The following INTS8 variants were observed in gnomAD, a reference collection of about 807,000 sequenced individuals.
INTS8 encodes the protein integrator complex subunit 8.
A neutral mutation model predicts 138.9 loss-of-function variants in INTS8; 47 were observed. That is an observed-to-expected ratio of 0.34 (90% CI 0.27 to 0.43). INTS8 has a LOEUF of 0.43. INTS8 is among the 20% of genes least tolerant of loss of function. The pLI is 1.00. For missense variants in INTS8, 996 were observed against 1,173.0 expected, an observed-to-expected ratio of 0.85 and a Z score of 2.20; for synonymous variants, 392 against 400.9, an observed-to-expected ratio of 0.98 and a Z score of 0.27.
chr8:94,880,842 G>A lies in INTS8; in HGVS notation c.*608G>A. On this transcript the variant is annotated 3_prime_UTR_variant, in exon 27 of 27. Transcript: ENST00000523731. ...ATAAATAGTTTGAAAGGGTACTTAA[G>A]TTTTTCACCCAAATTGTGATATACA... The A allele has an allele frequency of 2.5e-6, 1 of 398,618 alleles. No individual in the cohort carries two copies. The highest frequency in any genetic ancestry group is 4.4e-6 in the Non-Finnish European group (1 of 225,838). 24.7% of individuals were successfully genotyped at this position (398,618 alleles called of 1,614,324 possible).
At chr8:94,869,212 C>T (rs1167667364) in intron 20 of INTS8, among the ~76,000 whole-genome samples, 1 of 151,952 alleles carries the variant, frequency 6.6e-6, no homozygotes, top group Admixed American at 6.6e-5. Context: ...AACTCCTGAC[C>T]TCAGGTGATC....
intron 10 of INTS8, among the ~76,000 whole-genome samples, chr8:94,844,822 A>G (rs1222205129): frequency 6.9e-6 from 1 of 145,602 alleles, no homozygotes; most frequent in African/African-American, 2.6e-5. Context: ...CTGTGATCTC[A>G]GTTCACTGTA....
At chr8:94,872,062 T>A in intron 21 of INTS8, 60 bp downstream of exon 21, 1 of 776,552 alleles carries the variant, frequency 1.3e-6, no homozygotes, top group Non-Finnish European at 2.2e-6. Context: ...GAAGTGAAAG[T>A]AAATATATAA....
intron 23 of INTS8, among the ~76,000 whole-genome samples, chr8:94,875,223 AT>A: frequency 6.6e-6 from 1 of 152,318 alleles, no homozygotes; most frequent in East Asian, 1.9e-4. Flanking sequence ...AACAACCCTA[AT>A]GCCCATCAAA....
At chr8:94,844,844 C>T (rs1815274216) in intron 10 of INTS8, among the ~76,000 whole-genome samples, 1 of 151,698 alleles carries the variant, frequency 6.6e-6, no homozygotes, top group African/African-American at 2.4e-5. Context: ...CCTCCACCTC[C>T]TGGGTTCAAG....
intron 10 of INTS8, among the ~76,000 whole-genome samples, chr8:94,845,460 G>C (rs895385436): frequency 1.3e-5 from 2 of 151,978 alleles, no homozygotes; most frequent in South Asian, 4.2e-4. Flanking sequence ...GTTCTACCTT[G>C]TTTTCAAGGT....
At chr8:94,874,626 T>G in intron 23 of INTS8, 24 bp downstream of exon 23, 1 of 1,390,562 alleles carries the variant, frequency 7.2e-7, no homozygotes, top group Non-Finnish European at 1.0e-6. Context: ...ATTATGAAGT[T>G]GTTTTATTTT....
chr8:94,829,156 G>C, intron 5 of INTS8, 130 bp downstream of exon 5: 1 of 681,498 alleles, frequency 1.5e-6, no homozygotes. Flanking sequence ...GGTGTGGGGG[G>C]CGGGGGGCGA....
chr8:94,862,362 G>A (rs571578387), intron 16 of INTS8, among the ~76,000 whole-genome samples: 12 of 152,174 alleles, frequency 7.9e-5, no homozygotes, highest in Admixed American at 2.6e-4. Context: ...TGAGGGAACC[G>A]TTGTGTTCCA....
intron 6 of INTS8, among the ~76,000 whole-genome samples, chr8:94,834,145 A>G (rs1455415536): frequency 2.0e-5 from 3 of 152,170 alleles, no homozygotes; most frequent in South Asian, 2.1e-4. Context: ...TTCCCCCAAT[A>G]AAACCAGGCC....
chr8:94,861,077 C>T (rs913158965), intron 16 of INTS8, among the ~76,000 whole-genome samples: 1 of 144,094 alleles, frequency 6.9e-6, no homozygotes, highest in African/African-American at 2.6e-5. Context: ...AAAAAAAAAT[C>T]CTTTAAATCT....
intron 10 of INTS8, among the ~76,000 whole-genome samples, chr8:94,842,808 T>A (rs1815183467): frequency 6.6e-6 from 1 of 152,224 alleles, no homozygotes; most frequent in African/African-American, 2.4e-5. Context: ...CTTCCAAAGC[T>A]TCACTCATCT....
At chr8:94,852,904 G>C (rs1177677727) in intron 13 of INTS8, among the ~76,000 whole-genome samples, 3 of 152,112 alleles carry the variant, frequency 2.0e-5, no homozygotes, top group Non-Finnish European at 2.9e-5. Context: ...CACTGTGCCC[G>C]ACCTGTATTT....
intron 8 of INTS8, among the ~76,000 whole-genome samples, chr8:94,841,224 T>C (rs907359913): frequency 1.3e-5 from 2 of 152,186 alleles, no homozygotes; most frequent in South Asian, 2.1e-4. Context: ...AATTTTTTTC[T>C]AATAACATAG....
intron 12 of INTS8, among the ~76,000 whole-genome samples, chr8:94,850,365 C>G (rs1054680472): frequency 2.6e-5 from 4 of 152,314 alleles, no homozygotes; most frequent in African/African-American, 9.6e-5. Flanking sequence ...GTAATCCCAG[C>G]ACTTTGGGAG....
In INTS8 at chr8:94,881,556, TA is replaced by T; in HGVS notation, c.*1326del. On this transcript the variant is annotated 3_prime_UTR_variant, in exon 27 of 27. Coordinates refer to ENST00000523731, the MANE Select transcript of INTS8 (RefSeq NM_017864.4). ...CAATCAATCACAGCACTACTTTCTGTAAAACTTTAGTAGTTCAGTGATACCA... is the reference window on the plus strand; with the variant it reads ...CAATCAATCACAGCACTACTTTCTGTAAACTTTAGTAGTTCAGTGATACCA... The T allele has an allele frequency of 1.3e-6, 2 of 1,481,818 alleles. No individual in the cohort carries two copies. The highest frequency in any genetic ancestry group is 1.8e-6 in the Non-Finnish European group (2 of 1,083,322). 91.8% of individuals were successfully genotyped at this position (1,481,818 alleles called of 1,614,324 possible).
chr8:94,829,005 A>G lies in INTS8; in HGVS notation c.549A>G (p.Leu183=), dbSNP rs755858361. Residue 183 remains leucine, a synonymous_variant, in exon 5 of 27, where the codon CTA becomes CTG. Transcript: ENST00000523731. ...VMNQMQQEKE[L]TENILKVLKE... ...ATCAAATGCAACAGGAAAAAGAGCTAACAGAAAACATTTTGAAAGTGGTAA... is the reference window on the plus strand; with the variant it reads ...ATCAAATGCAACAGGAAAAAGAGCTGACAGAAAACATTTTGAAAGTGGTAA... The G allele has an allele frequency of 1.3e-5, 21 of 1,599,410 alleles. 1 individual carries two copies. In the South Asian group the frequency reaches 2.4e-4, roughly 18 times the overall value.
At chr8:94,865,175 T>A (rs1043347731) in intron 16 of INTS8, among the ~76,000 whole-genome samples, 5 of 152,148 alleles carry the variant, frequency 3.3e-5, no homozygotes, top group Admixed American at 3.3e-4. Flanking sequence ...TAACGTGGGA[T>A]CATACTATGT....
At chr8:94,832,848 G>T (rs1814775815) in intron 6 of INTS8, among the ~76,000 whole-genome samples, 1 of 151,996 alleles carries the variant, frequency 6.6e-6, no homozygotes, top group East Asian at 1.9e-4. Flanking sequence ...TAGAGACGGG[G>T]TTTCACCGTG....
Sources: gnomAD v4.1 joint callset for allele counts (sites outside exome capture counted in the v4.1 genomes callset) on GRCh38, gnomAD v4.1.1 for gene constraint, MANE v1.5 for transcripts, NCBI Gene and HGNC (gene_info 2026-07-23, HGNC 2026-07-21) for gene names.